Variants in YY1 observed in about 807,000 individuals in gnomAD.
YY1 encodes the protein transcriptional repressor protein YY1.
A neutral mutation model predicts 35.6 loss-of-function variants in YY1; 2 were observed. The observed-to-expected ratio is 0.06, with a 90% CI of 0.02 to 0.18. The LOEUF (loss-of-function observed/expected upper bound fraction) is 0.18. Ranked by LOEUF, YY1 falls within the 10% of genes least tolerant of loss-of-function variation. The probability of loss-of-function intolerance (pLI) is 1.00; values close to 1 mark genes in which losing one functional copy is unlikely to be tolerated. For synonymous variants in YY1, 268 were observed against 238.9 expected, an observed-to-expected ratio of 1.12 and a Z score of -1.12; for missense variants, 322 against 573.4, an observed-to-expected ratio of 0.56 and a Z score of 4.48.
At chr14:100,272,389 A>G (rs147563628) in intron 2 of YY1, among the ~76,000 whole-genome samples, 470 of 152,160 alleles carry the variant, frequency 3.1e-3, no homozygotes, top group Non-Finnish European at 5.2e-3. Flanking sequence ...CTCCATGGAG[A>G]TAAGTGATAG....
rs1436001778 is a variant in YY1 at position 100,239,800 on chromosome 14, C to T, written c.556C>T (p.Leu186Phe). The T allele has an allele frequency of 1.3e-6, 2 of 1,518,660 alleles. No individual in the cohort carries two copies. Among genetic ancestry groups the T allele is most frequent in the East Asian group, 2.6e-5 (1 of 38,830 alleles). 94.1% of individuals were successfully genotyped at this position (1,518,660 alleles called of 1,614,324 possible). A position where few individuals can be genotyped will look rare whatever the true frequency, so the allele number is the denominator to read the frequency against. The change falls in exon 1 of 5, where the codon CTC (leucine) becomes TTC (phenylalanine). Residue 186 changes from leucine (L) to phenylalanine (F), a missense_variant. Leu to Phe is a conservative substitution (Grantham distance 22). Coordinates refer to ENST00000262238, the MANE Select transcript of YY1 (RefSeq NM_003403.5). ...GGKKSGKKSY[L>F]SGGAGAAGGG... ...CAAGAAGAGCGGCAAGAAGAGTTACCTCAGCGGCGGGGCCGGCGCGGCGGG... is the reference window on the plus strand; with the variant it reads ...CAAGAAGAGCGGCAAGAAGAGTTACTTCAGCGGCGGGGCCGGCGCGGCGGG...
At chr14:100,265,428 TG>T in intron 2 of YY1, 1 of 151,870 alleles carries the variant, frequency 6.6e-6, no homozygotes, top group South Asian at 2.1e-4. Flanking sequence ...CAAAAGATAA[TG>T]GAAAAGATTT....
At chr14:100,253,264 G>T (rs1488363825) in intron 1 of YY1, among the ~76,000 whole-genome samples, 1 of 152,126 alleles carries the variant, frequency 6.6e-6, no homozygotes, top group African/African-American at 2.4e-5. Flanking sequence ...TTACCCCATC[G>T]CTAGTCAATA....
intron 2 of YY1, among the ~76,000 whole-genome samples, chr14:100,268,007 G>A (rs1029967598): frequency 6.6e-5 from 10 of 152,222 alleles, no homozygotes; most frequent in Middle Eastern, 3.2e-3. Flanking sequence ...GACTCTGAGA[G>A]CAGAAGATAC....
intron 2 of YY1, among the ~76,000 whole-genome samples, chr14:100,267,437 C>T (rs1419952613): frequency 1.3e-5 from 2 of 152,064 alleles, no homozygotes; most frequent in Non-Finnish European, 2.9e-5. Context: ...AAATCTTGCT[C>T]GCCTTGACAG....
At position 100,276,658 on chromosome 14, in the gene YY1, GT is replaced by G. The variant is rs1172927785; in HGVS notation, c.1062+12del. The stretch of plus-strand genomic sequence containing the variant: ...AGAGAAGCCCTTTCAGGTAGAGCCA[GT>G]TCCCTCTCTTCCCCACACTGCCTTG... On this transcript the variant is annotated intron_variant, in intron 4 of 4. Coordinates refer to ENST00000262238, the MANE Select transcript of YY1 (RefSeq NM_003403.5). The surrounding 1 kb of genome is among the most constrained non-coding windows in gnomAD (Gnocchi z 4.1). The G allele has an allele frequency of 6.2e-7, 1 of 1,614,140 alleles. No homozygotes were observed. The highest frequency in any genetic ancestry group is 1.7e-5 in the Admixed American group (1 of 60,018).
chr14:100,270,321 G>A (rs1891218364), intron 2 of YY1, among the ~76,000 whole-genome samples: 1 of 144,278 alleles, frequency 6.9e-6, no homozygotes, highest in African/African-American at 2.6e-5. Context: ...CTAGCAAAAT[G>A]TATGGGAGGC....
rs75451867 is a variant in YY1 at position 100,247,428 on chromosome 14, C to G, written c.679+7505C>G. On this transcript the variant is annotated intron_variant, in intron 1 of 4. Coordinates refer to ENST00000262238, the MANE Select transcript of YY1 (RefSeq NM_003403.5). ...ACAGGGTCTCACTTTGTCACCCAGTCGGGAGTACAGTGGCACAATCTCAGC... is the reference window on the plus strand; with the variant it reads ...ACAGGGTCTCACTTTGTCACCCAGTGGGGAGTACAGTGGCACAATCTCAGC... Among the ~76,000 whole-genome samples, 441 of 146,400 alleles carry G rather than the reference C, an allele frequency of 3.0e-3. 4 individuals carry two copies. The highest frequency in any genetic ancestry group is 0.01 in the African/African-American group (405 of 39,538).
At chr14:100,262,685 C>T (rs1457107467) in intron 2 of YY1, among the ~76,000 whole-genome samples, 3 of 152,204 alleles carry the variant, frequency 2.0e-5, no homozygotes, top group African/African-American at 4.8e-5. Flanking sequence ...GGTGCGATCT[C>T]GACTCACTGC....
At chr14:100,244,349 A>G (rs7160673) in intron 1 of YY1, among the ~76,000 whole-genome samples, 83,224 of 127,158 alleles carry the variant, frequency 0.65, 27,528 homozygotes, top group South Asian at 0.8. Context: ...TTTTTGAGAC[A>G]GGGGTCTCAC....
intron 2 of YY1, chr14:100,265,468 CA>C (rs1191488354): frequency 2.0e-5 from 3 of 152,262 alleles, no homozygotes; most frequent in African/African-American, 4.8e-5. Context: ...CAGTTGGGGG[CA>C]GGGGGGAGGA....
intron 1 of YY1, among the ~76,000 whole-genome samples, chr14:100,244,653 G>A (rs1422451808): frequency 6.6e-6 from 1 of 150,748 alleles, no homozygotes; most frequent in Non-Finnish European, 1.5e-5. Flanking sequence ...GACAGTCACG[G>A]CTCACGGCAG....
chr14:100,246,144 G>T (rs1316634793), intron 1 of YY1, among the ~76,000 whole-genome samples: 1 of 152,192 alleles, frequency 6.6e-6, no homozygotes, highest in East Asian at 1.9e-4. Context: ...CCGCATAGAT[G>T]CCTGGAACCC....
rs979162804 is a variant in YY1 at position 100,240,167 on chromosome 14, C to G, written c.679+244C>G. Among the ~76,000 whole-genome samples the G allele has an allele frequency of 4.7e-4, 68 of 145,666 alleles. 2 individuals carry two copies. The highest frequency in any genetic ancestry group is 1.5e-3 in the African/African-American group (62 of 40,700). On this transcript the variant is annotated intron_variant, in intron 1 of 4. Transcript: ENST00000262238. ...GCTAGGCCGCAATGGCGTAGTTTCT[C>G]CGAGAGGGGGAAGCGCCGCGCGGGG...
chr14:100,258,385 A>G (rs1200548251), intron 1 of YY1, among the ~76,000 whole-genome samples: 1 of 151,754 alleles, frequency 6.6e-6, no homozygotes, highest in Non-Finnish European at 1.5e-5. Context: ...ACATCCAGCT[A>G]TTTTTTTCCT....
rs1891330084 is a variant in YY1, at chr14:100,276,998, T to G, written c.1062+350T>G. The G allele has an allele frequency of 2.4e-6, 1 of 411,542 alleles. No individual in the cohort carries two copies. Among genetic ancestry groups the G allele is most frequent in the African/African-American group, 2.0e-5 (1 of 49,790 alleles). 25.5% of individuals were successfully genotyped at this position (411,542 alleles called of 1,614,324 possible). A position where few individuals can be genotyped will look rare whatever the true frequency, so the allele number is the denominator to read the frequency against. On this transcript the variant is annotated intron_variant, in intron 4 of 4. Transcript: ENST00000262238. The surrounding 1 kb of genome is among the most constrained non-coding windows in gnomAD (Gnocchi z 4.1). ...GGTAGTTAATAGTATAATTACTAACTGATAAAGTTTCTAGAGTGTAAGTAT... is the reference window on the plus strand; with the variant it reads ...GGTAGTTAATAGTATAATTACTAACGGATAAAGTTTCTAGAGTGTAAGTAT...
intron 2 of YY1, among the ~76,000 whole-genome samples, chr14:100,264,875 G>A (rs990112286): frequency 2.6e-5 from 4 of 152,198 alleles, no homozygotes; most frequent in Non-Finnish European, 5.9e-5. Context: ...ACTTTGGGAA[G>A]CTGAGGTGGG....
In YY1 at chr14:100,277,406, T is replaced by C; in HGVS notation, c.1063-12T>C. On this transcript the variant is annotated splice_polypyrimidine_tract_variant and intron_variant, in intron 4 of 4. Coordinates refer to ENST00000262238, the MANE Select transcript of YY1 (RefSeq NM_003403.5). This position sits in a 1 kb window ranked among gnomAD's most constrained non-coding sequence, Gnocchi z 5.6. The stretch of plus-strand genomic sequence containing the variant: ...TTGCTGAGTGGGTTGATCTCTGGTC[T>C]TTCCTTGACAGTGCACGTTCGAAGG... The C allele has an allele frequency of 6.2e-7, 1 of 1,614,260 alleles. No individual in the cohort carries two copies. Among genetic ancestry groups the C allele is most frequent in the Non-Finnish European group, 8.5e-7 (1 of 1,180,044 alleles).
At chr14:100,240,065 G>C (rs1182846614) in intron 1 of YY1, 142 bp downstream of exon 1, 2 of 773,302 alleles carry the variant, frequency 2.6e-6, no homozygotes, top group African/African-American at 3.7e-5. Flanking sequence ...TGCGGCGGCG[G>C]GGGCGCGGCG....
Sources: gnomAD v4.1 joint callset for allele counts (sites outside exome capture counted in the v4.1 genomes callset) on GRCh38, gnomAD v4.1.1 for gene constraint, Gnocchi (gnomAD v3.1) non-coding constraint, MANE v1.5 for transcripts, NCBI Gene and HGNC (gene_info 2026-07-23, HGNC 2026-07-21) for gene names.